The following PIGN variants were observed in gnomAD, a reference collection of about 807,000 sequenced individuals.
The protein encoded by PIGN is phosphatidylinositol glycan anchor biosynthesis class N.
In PIGN, 117 loss-of-function variants were observed where a neutral mutation model predicts 125.4. The ratio of observed to expected loss-of-function variants is 0.93; its 90% CI spans 0.80 to 1.09. The LOEUF is 1.09. Ranked by LOEUF, PIGN falls within the 50% of genes least tolerant of loss-of-function variation. The probability of loss-of-function intolerance (pLI) is 0.00; values close to 1 mark genes in which losing one functional copy is unlikely to be tolerated. For missense variants in PIGN, 1,075 were observed against 1,094.9 expected (o/e 0.98, Z 0.26); for synonymous variants, 392 against 377.8 (o/e 1.04, Z -0.44).
rs966106333 is a variant in PIGN at position 62,074,808 on chromosome 18, C to T, written c.2590G>A (p.Val864Ile). The change falls in exon 29 of 31, where the codon GTT (valine) becomes ATT (isoleucine). Residue 864 changes from valine (V) to isoleucine (I), a missense_variant. Transcript: ENST00000640252. ...QLSSKSLFLI[V>I]LVISDIMALH... ...GCCATAATGTCTGATATGACGAGAACAATGAGAAAAAGGCTGGAAAAAAAA... is the reference window on the plus strand; with the variant it reads ...GCCATAATGTCTGATATGACGAGAATAATGAGAAAAAGGCTGGAAAAAAAA... 23 of 1,603,034 alleles carry T rather than the reference C, an allele frequency of 1.4e-5. No individual in the cohort carries two copies. The highest frequency in any genetic ancestry group is 2.0e-5 in the Non-Finnish European group (23 of 1,172,466).
chr18:62,142,653 G>C (rs1402820548), intron 11 of PIGN, among the ~76,000 whole-genome samples: 1 of 152,148 alleles, frequency 6.6e-6, no homozygotes, highest in African/African-American at 2.4e-5. Flanking sequence ...TGACCTGGAA[G>C]GCAAGATACT....
At chr18:62,085,549 G>T (rs1210289195) in intron 25 of PIGN, among the ~76,000 whole-genome samples, 1 of 151,986 alleles carries the variant, frequency 6.6e-6, no homozygotes, top group Non-Finnish European at 1.5e-5. Flanking sequence ...GACCATATCT[G>T]TAGTGGGCTG....
Position 62,046,043 on chromosome 18 carries a change from C to T in PIGN, c.2673-64G>A, listed in dbSNP as rs1944078382. 4.6e-6 allele frequency: 7 copies of T among 1,535,302 alleles called. No individual in the cohort carries two copies. The Admixed American group carries it at 1.1e-4, about 24-fold the overall frequency. Reference sequence around the variant, plus strand: ...ACAGGTGAGGAAAATCATGAGATTCCTCTGAATGGTTTTAAATGGACAGAT... The same window carrying T: ...ACAGGTGAGGAAAATCATGAGATTCTTCTGAATGGTTTTAAATGGACAGAT... On this transcript the variant is annotated intron_variant, in intron 30 of 30. Transcript: ENST00000640252.
intron 6 of PIGN, 44 bp from the exon 7 acceptor site, chr18:62,154,695 T>G (rs2036660272): frequency 1.1e-6 from 1 of 919,304 alleles, no homozygotes. Context: ...ACAAAATCTT[T>G]TAAACTATCA....
chr18:62,161,594 C>T (rs907351511), intron 3 of PIGN, among the ~76,000 whole-genome samples: 1 of 151,698 alleles, frequency 6.6e-6, no homozygotes, highest in Non-Finnish European at 1.5e-5. Flanking sequence ...TACATCTAAG[C>T]AAAAAGAAAA....
chr18:62,173,363 C>T (rs2037405733), intron 1 of PIGN, among the ~76,000 whole-genome samples: 1 of 151,994 alleles, frequency 6.6e-6, no homozygotes, highest in Non-Finnish European at 1.5e-5. Flanking sequence ...CCCTAGTAGC[C>T]GGGACCACAA....
rs368831704 is a variant in PIGN, at chr18:62,082,635, T to C, written c.2576+38A>G. 3.3e-5 allele frequency: 36 copies of C among 1,101,322 alleles called. No individual in the cohort carries two copies. The African/African-American group carries it at 3.7e-4, about 11-fold the overall frequency. 68.2% of individuals were successfully genotyped at this position (1,101,322 alleles called of 1,614,324 possible). On this transcript the variant is annotated intron_variant, in intron 28 of 30. Coordinates refer to ENST00000640252, the MANE Select transcript of PIGN (RefSeq NM_176787.5). ...AAAGTTTACTCTCATCTCCTAAAAA[T>C]AGGCAAATCAAATGTTTCTTAAACT... is the stretch of plus-strand genomic sequence containing the variant.
chr18:62,134,885 G>A (rs1468813002), intron 14 of PIGN, among the ~76,000 whole-genome samples: 10 of 152,080 alleles, frequency 6.6e-5, no homozygotes, highest in Admixed American at 5.9e-4. Context: ...GTTTCTGATT[G>A]TCATTGTTTT....
At chr18:62,057,557 C>T (rs2031820313) in intron 30 of PIGN, among the ~76,000 whole-genome samples, 1 of 152,226 alleles carries the variant, frequency 6.6e-6, no homozygotes, top group South Asian at 2.1e-4. Context: ...CTCAATCTTC[C>T]TTCTCCCTCT....
At chr18:62,091,848 A>C (rs751234526) in intron 23 of PIGN, among the ~76,000 whole-genome samples, 1 of 152,158 alleles carries the variant, frequency 6.6e-6, no homozygotes, top group African/African-American at 2.4e-5. Flanking sequence ...TTGAAAACCA[A>C]GTCTGTCTGT....
At chr18:62,161,423 A>G (rs1467212346) in intron 3 of PIGN, 38 bp from the exon 4 acceptor site, 1 of 894,114 alleles carries the variant, frequency 1.1e-6, no homozygotes, top group Admixed American at 2.1e-5. Flanking sequence ...GGTAAATCTT[A>G]ATGCATTCAT....
At chr18:62,027,959 A>G (rs2030146042) in intron 23 of PIGN, among the ~76,000 whole-genome samples, 1 of 152,202 alleles carries the variant, frequency 6.6e-6, no homozygotes, top group South Asian at 2.1e-4. Flanking sequence ...GAAAAAGGCA[A>G]TAAGGTGATC....
intron 7 of PIGN, chr18:62,153,501 C>T (rs1838662894): frequency 6.6e-6 from 1 of 152,114 alleles, no homozygotes; most frequent in Non-Finnish European, 1.5e-5. Context: ...GGGATTTTAG[C>T]TACACATATG....
rs563993929 is a variant in PIGN, at chr18:62,027,122, G to T, written c.2143-9381C>A. ...GGAGGCAGAGGCAGGAGAATCACTT[G>T]AATCCGGGAGGCAGAGGTTGCAGTG... On this transcript the variant is annotated intron_variant, in intron 23 of 24. Transcript: ENST00000639600. Among the ~76,000 whole-genome samples, 8 of 152,286 alleles carry T rather than the reference G, an allele frequency of 5.3e-5. No individual in the cohort carries two copies. The East Asian group carries it at 1.5e-3, about 29-fold the overall frequency.
chr18:62,126,943 A>T (rs1348552579), intron 14 of PIGN, among the ~76,000 whole-genome samples: 2 of 152,228 alleles, frequency 1.3e-5, no homozygotes, highest in African/African-American at 4.8e-5. Context: ...ATTGTACCTT[A>T]ATGATTCAAC....
At chr18:62,078,797 T>A (rs1406529985) in intron 28 of PIGN, among the ~76,000 whole-genome samples, 1 of 152,230 alleles carries the variant, frequency 6.6e-6, no homozygotes, top group Non-Finnish European at 1.5e-5. Flanking sequence ...AAATACCTGC[T>A]ATTGAGCTTT....
At chr18:62,088,010 G>A (rs1032728091) in intron 25 of PIGN, among the ~76,000 whole-genome samples, 1 of 152,168 alleles carries the variant, frequency 6.6e-6, no homozygotes, top group African/African-American at 2.4e-5. Context: ...CTGATCTTAA[G>A]TGTTCTCACT....
chr18:62,032,462 C>G (rs531325283), intron 23 of PIGN, among the ~76,000 whole-genome samples: 1 of 152,240 alleles, frequency 6.6e-6, no homozygotes, highest in Admixed American at 6.5e-5. Context: ...CCCAAGCCAA[C>G]TGCACACACG....
intron 30 of PIGN, chr18:62,056,590 A>T (rs949273407): frequency 4.6e-5 from 7 of 151,700 alleles, no homozygotes; most frequent in African/African-American, 1.7e-4. Context: ...TTTCTAACCC[A>T]CTCATATCTG....
Sources: allele counts gnomAD v4.1 joint callset (sites outside exome capture counted in the v4.1 genomes callset), GRCh38; gene constraint gnomAD v4.1.1; transcripts MANE v1.5; gene names NCBI Gene and HGNC (gene_info 2026-07-23, HGNC 2026-07-21).